The following TACC2 variants were observed in gnomAD, a reference collection of about 807,000 sequenced individuals.
TACC2 encodes transforming acidic coiled-coil-containing protein 2.
A neutral mutation model predicts 227.3 loss-of-function variants in TACC2; 137 were observed. The observed-to-expected ratio is 0.60, with a 90% CI of 0.52 to 0.69. The LOEUF (loss-of-function observed/expected upper bound fraction) is 0.69, where lower values mean the gene tolerates loss of function less well. Ranked by LOEUF, TACC2 falls within the 30% of genes least tolerant of loss-of-function variation. TACC2 has a pLI of 0.00. For synonymous variants in TACC2, 1,523 were observed against 1,487.5 expected (o/e 1.02, Z -0.55); for missense variants, 3,470 against 3,694.4 (o/e 0.94, Z 1.57).
At chr10:122,110,386 C>T (rs921144061) in intron 5 of TACC2, among the ~76,000 whole-genome samples, 2 of 152,202 alleles carry the variant, frequency 1.3e-5, no homozygotes, top group Admixed American at 1.3e-4. Flanking sequence ...ACTATCCAGG[C>T]AAGATTTCTG....
intron 5 of TACC2, among the ~76,000 whole-genome samples, chr10:122,128,955 A>G (rs2087437776): frequency 6.6e-6 from 1 of 151,930 alleles, no homozygotes; most frequent in South Asian, 2.1e-4. Flanking sequence ...CATGTATATC[A>G]TTGATACACA....
Position 122,242,036 on chromosome 10 carries a change from C to T in TACC2, c.8392+35C>T, listed in dbSNP as rs781755223. 26 of 1,602,416 alleles carry T rather than the reference C, an allele frequency of 1.6e-5. No individual in the cohort carries two copies. The South Asian group carries it at 2.1e-4, about 13-fold the overall frequency. On this transcript the variant is annotated intron_variant, in intron 19 of 22. Transcript: ENST00000369005. ...CTGACCTGCGGGGGCTCAGGCCGGC[C>T]CCGATGTTTCTGAACTATGAGGAGG...
chr10:122,108,224 A>AG (rs1379212401), intron 5 of TACC2, among the ~76,000 whole-genome samples: 1 of 151,912 alleles, frequency 6.6e-6, no homozygotes, highest in Non-Finnish European at 1.5e-5. Flanking sequence ...GTGTCCACAT[A>AG]GCTTAGCTCC....
chr10:122,033,950 G>A (rs554664525), intron 2 of TACC2, among the ~76,000 whole-genome samples: 2 of 152,106 alleles, frequency 1.3e-5, no homozygotes, highest in East Asian at 1.9e-4. Flanking sequence ...TCAGGAGTTC[G>A]AGACCAGCCT....
Position 122,107,583 on chromosome 10 carries a change from T to C in TACC2, c.5573+18992T>C, listed in dbSNP as rs1380839303. ...CACCCTGGGTGAGAAAATGAGAAGA[T>C]TCTGTCTCAAACAAACAAAATAATA... On this transcript the variant is annotated intron_variant, in intron 5 of 22. Transcript: ENST00000369005. 2.6e-5 allele frequency among the ~76,000 whole-genome samples: 4 copies of C among 151,782 alleles called. No homozygotes were observed. The East Asian group carries it at 7.8e-4, about 29-fold the overall frequency.
intron 1 of TACC2, among the ~76,000 whole-genome samples, chr10:122,007,891 G>A (rs1164228593): frequency 6.6e-6 from 1 of 152,032 alleles, no homozygotes; most frequent in Non-Finnish European, 1.5e-5. Flanking sequence ...GATGGGAGTG[G>A]GTTAGTTATC....
chr10:122,062,738 T>C (rs1184403145), intron 3 of TACC2, among the ~76,000 whole-genome samples: 1 of 152,174 alleles, frequency 6.6e-6, no homozygotes, highest in Non-Finnish European at 1.5e-5. Flanking sequence ...GCAGCAACTA[T>C]GGGGAAGGGT....
At chr10:122,149,815 G>C (rs2091844446) in intron 7 of TACC2, among the ~76,000 whole-genome samples, 1 of 152,218 alleles carries the variant, frequency 6.6e-6, no homozygotes. Context: ...ACCAAACTGG[G>C]CTCTCGTGGC....
chr10:122,192,707 C>A, intron 7 of TACC2: 1 of 456,698 alleles, frequency 2.2e-6, no homozygotes, highest in Non-Finnish European at 4.4e-6. Context: ...CAGAGGTGGT[C>A]CCCAGTGGAA....
At chr10:122,043,409 T>C (rs2074536877) in intron 2 of TACC2, among the ~76,000 whole-genome samples, 2 of 152,226 alleles carry the variant, frequency 1.3e-5, no homozygotes, top group Non-Finnish European at 2.9e-5. Context: ...ATGAGGGTAG[T>C]AGGAACCATG....
intron 11 of TACC2, among the ~76,000 whole-genome samples, chr10:122,217,825 C>T (rs1269514316): frequency 2.0e-5 from 3 of 152,158 alleles, no homozygotes; most frequent in Admixed American, 1.3e-4. Context: ...TGGTGCACCA[C>T]GTTCCCAGTC....
chr10:122,022,536 CA>C (rs1957456172), intron 2 of TACC2: 1 of 152,760 alleles, frequency 6.5e-6, no homozygotes, highest in Non-Finnish European at 1.5e-5. Flanking sequence ...AAGTATGAGC[CA>C]CCATTACAGG....
In TACC2 at chr10:122,084,881, C is replaced by T. The variant is rs781633294; in HGVS notation, c.2381C>T (p.Thr794Met). ...GENLAADLGLTALILDQDQQG... is the reference protein window; with the variant it reads ...GENLAADLGLMALILDQDQQG... Reference sequence around the variant, plus strand: ...AACTTGGCAGCAGACCTGGGGCTCACGGCACTCATCCTGGACCAAGATCAG... The same window carrying T: ...AACTTGGCAGCAGACCTGGGGCTCATGGCACTCATCCTGGACCAAGATCAG... Residue 794 changes from threonine (T) to methionine (M), a missense_variant, in exon 4 of 23, where the codon ACG becomes ATG. Thr to Met is a moderately conservative substitution (Grantham distance 81). Transcript: ENST00000369005. The T allele has an allele frequency of 1.4e-5, 22 of 1,613,944 alleles. No individual in the cohort carries two copies. The highest frequency in any genetic ancestry group is 1.3e-4 in the South Asian group (12 of 91,094).
At chr10:122,088,353 G>T (rs1412283264) in intron 4 of TACC2, 125 bp from the exon 5 acceptor site, 2 of 747,468 alleles carry the variant, frequency 2.7e-6, no homozygotes, top group Non-Finnish European at 4.0e-6. Context: ...TTTTTCCTAG[G>T]GATTTTTTTT....
intron 6 of TACC2, 54 bp downstream of exon 6, chr10:122,132,788 G>T (rs1475213237): frequency 6.2e-7 from 1 of 1,600,684 alleles, no homozygotes; most frequent in Non-Finnish European, 8.5e-7. Context: ...AATCCTTGAG[G>T]CTGCCTTCCC....
At chr10:122,073,853 T>C (rs775707074) in intron 3 of TACC2, among the ~76,000 whole-genome samples, 27 of 152,080 alleles carry the variant, frequency 1.8e-4, no homozygotes, top group South Asian at 4.2e-4. Context: ...AATCTCGGCT[T>C]ACTGCAAACT....
intron 5 of TACC2, among the ~76,000 whole-genome samples, chr10:122,116,047 G>A (rs2084644600): frequency 6.6e-6 from 1 of 152,090 alleles, no homozygotes; most frequent in African/African-American, 2.4e-5. Context: ...CGCAGTCCTT[G>A]GTTCATAACC....
At chr10:122,199,516 CCTTCCCAG>C (rs2094706739) in intron 8 of TACC2, among the ~76,000 whole-genome samples, 4 of 152,142 alleles carry the variant, frequency 2.6e-5, no homozygotes, top group Non-Finnish European at 5.9e-5. Context: ...CAGCTGAGGC[CCTTCCCAG>C]CCTGGGGCAG....
intron 7 of TACC2, among the ~76,000 whole-genome samples, chr10:122,170,367 T>C (rs758290801): frequency 7.3e-6 from 1 of 137,466 alleles, no homozygotes; most frequent in Non-Finnish European, 1.5e-5. Flanking sequence ...GTCTCCTGGG[T>C]TCAAGCGATT....
Sources: gnomAD v4.1 joint callset for allele counts (sites outside exome capture counted in the v4.1 genomes callset) on GRCh38, gnomAD v4.1.1 for gene constraint, MANE v1.5 for transcripts, NCBI Gene and HGNC (gene_info 2026-07-23, HGNC 2026-07-21) for gene names.